Variants in CEP128 observed in about 807,000 individuals in gnomAD.
CEP128 encodes the protein centrosomal protein 128kDa.
Under a neutral mutation model 156.7 loss-of-function variants are expected in CEP128, and 132 were observed. The observed-to-expected ratio is 0.84, with a 90% CI of 0.73 to 0.97. CEP128 has a LOEUF of 0.97. Ranked by LOEUF, CEP128 falls within the 50% of genes least tolerant of loss-of-function variation. The pLI, the probability that CEP128 is intolerant of heterozygous loss-of-function variation, is 0.00. For synonymous variants in CEP128, 469 were observed against 448.9 expected, an observed-to-expected ratio of 1.04 and a Z score of -0.57; for missense variants, 1,252 against 1,281.9, an observed-to-expected ratio of 0.98 and a Z score of 0.36.
chr14:80,835,776 G>T (rs936275058), intron 12 of CEP128, among the ~76,000 whole-genome samples: 1 of 151,906 alleles, frequency 6.6e-6, no homozygotes, highest in African/African-American at 2.4e-5. Context: ...AACTCCAGAC[G>T]ACAAAAAAGA....
chr14:80,621,993 C>T (rs1893499201), intron 19 of CEP128, among the ~76,000 whole-genome samples: 1 of 152,034 alleles, frequency 6.6e-6, no homozygotes, highest in South Asian at 2.1e-4. Flanking sequence ...GACCTATCCC[C>T]TTTACATCTG....
downstream of CEP128, among the ~76,000 whole-genome samples, chr14:80,485,647 AC>A (rs1777464444): frequency 2.0e-5 from 3 of 152,168 alleles, no homozygotes; most frequent in Admixed American, 2.0e-4. Context: ...TATAATAGAG[AC>A]TTTTTTAGCC....
intron 19 of CEP128, among the ~76,000 whole-genome samples, chr14:80,691,333 G>C (rs114639929): frequency 2.6e-5 from 4 of 152,020 alleles, no homozygotes; most frequent in African/African-American, 7.3e-5. Flanking sequence ...TGTGGTGATG[G>C]GGGGATGGTA....
chr14:80,667,142 A>G (rs1595179259), intron 19 of CEP128, among the ~76,000 whole-genome samples: 1 of 152,168 alleles, frequency 6.6e-6, no homozygotes, highest in South Asian at 2.1e-4. Flanking sequence ...GAGACCCAAA[A>G]TGCTCATTCC....
chr14:80,839,055 C>T (rs765290522), intron 10 of CEP128, among the ~76,000 whole-genome samples: 5 of 152,094 alleles, frequency 3.3e-5, no homozygotes, highest in South Asian at 2.1e-4. Context: ...GCCGAAATCG[C>T]GCCACTGCAC....
chr14:80,577,892 T>G (rs1190761847), intron 20 of CEP128, among the ~76,000 whole-genome samples: 2 of 152,182 alleles, frequency 1.3e-5, no homozygotes, highest in East Asian at 3.8e-4. Flanking sequence ...TCCTTAAACA[T>G]GAAACTGTGC....
chr14:80,887,097 G>A (rs769280744), intron 8 of CEP128, among the ~76,000 whole-genome samples: 8 of 151,980 alleles, frequency 5.3e-5, no homozygotes, highest in East Asian at 1.9e-4. Context: ...ATATATATGC[G>A]CCCAATACAG....
chr14:80,619,367 G>GACACACACACACACACACAGACACAC (rs1893367185), intron 19 of CEP128, among the ~76,000 whole-genome samples: 3 of 139,374 alleles, frequency 2.2e-5, no homozygotes, highest in Non-Finnish European at 4.6e-5. Context: ...AAGACACACA[G>GACACACACACACACACACAGACACAC]ACACACACAC....
intron 23 of CEP128, chr14:80,514,750 T>C (rs778528241): frequency 9.8e-6 from 3 of 305,260 alleles, no homozygotes; most frequent in African/African-American, 2.2e-5. Flanking sequence ...GGTGAGGGCA[T>C]ATTTTCATGG....
At chr14:80,593,571 C>A (rs1361108669) in intron 19 of CEP128, among the ~76,000 whole-genome samples, 45 of 141,710 alleles carry the variant, frequency 3.2e-4, no homozygotes, top group East Asian at 2.9e-3. Context: ...AAAAAGAAAA[C>A]CCCATCTTCT....
At position 80,785,310 on chromosome 14, in the gene CEP128, C is replaced by G; in HGVS notation, c.1796G>C (p.Ser599Thr). ...HRLESELKKQ[S>T]KIQSQMKVEK... is the part of the protein sequence containing the mutation. ...AACTTTCATCTGGCTTTGGATCTTACTCTGCTTTTTCAATTCGCTCTCCAG... is the reference window on the plus strand; with the variant it reads ...AACTTTCATCTGGCTTTGGATCTTAGTCTGCTTTTTCAATTCGCTCTCCAG... Residue 599 changes from serine to threonine, a missense_variant, in exon 15 of 25, where the codon AGT (serine) becomes ACT (threonine). Transcript: ENST00000555265. The G allele has an allele frequency of 1.2e-6, 2 of 1,614,144 alleles. No individual in the cohort carries two copies. Among genetic ancestry groups the G allele is most frequent in the South Asian group, 1.1e-5 (1 of 91,082 alleles).
chr14:80,651,200 G>A (rs1894888093), intron 19 of CEP128, among the ~76,000 whole-genome samples: 1 of 152,102 alleles, frequency 6.6e-6, no homozygotes, highest in African/African-American at 2.4e-5. Flanking sequence ...TAGTTTATTT[G>A]CATAGAAGTG....
At position 80,714,264 on chromosome 14, in the gene CEP128, G is replaced by A. The variant is rs79814695; in HGVS notation, c.2806+28811C>T. On this transcript the variant is annotated intron_variant, in intron 19 of 24. Transcript: ENST00000555265. ...ACTTGGAATTTTAAAATTTCCTCAT[G>A]AGTCCATATAGGTTGCATCACCCAT... 1.6e-4 allele frequency among the ~76,000 whole-genome samples: 25 copies of A among 151,964 alleles called. No individual in the cohort carries two copies. In the East Asian group the frequency reaches 3.5e-3, roughly 21 times the overall value.
chr14:80,627,737 TTTC>T (rs1052887332), intron 19 of CEP128, among the ~76,000 whole-genome samples: 6 of 96,000 alleles, frequency 6.3e-5, no homozygotes, highest in South Asian at 5.2e-4. Context: ...TAATTATTAT[TTTC>T]TTTTTTTTTT....
intron 2 of CEP128, chr14:80,955,883 A>T: frequency 1.9e-6 from 3 of 1,613,978 alleles, no homozygotes; most frequent in Non-Finnish European, 2.5e-6. Context: ...GGTAGGACCC[A>T]GAGATCAAGG....
intron 13 of CEP128, among the ~76,000 whole-genome samples, chr14:80,796,681 T>C (rs928964988): frequency 6.6e-6 from 1 of 152,164 alleles, no homozygotes; most frequent in Non-Finnish European, 1.5e-5. Context: ...GTATTATGCA[T>C]CATCCCACCT....
chr14:80,756,675 C>G (rs1195724885), intron 18 of CEP128, among the ~76,000 whole-genome samples: 1 of 152,108 alleles, frequency 6.6e-6, no homozygotes, highest in African/African-American at 2.4e-5. Flanking sequence ...GTTTTACTTT[C>G]CTTTATTCTC....
chr14:80,707,192 G>A (rs1897260252), intron 19 of CEP128, among the ~76,000 whole-genome samples: 1 of 152,202 alleles, frequency 6.6e-6, no homozygotes, highest in African/African-American at 2.4e-5. Flanking sequence ...ATGAGACTGT[G>A]GGTTCTATTT....
chr14:80,612,144 T>C (rs1424336803), intron 19 of CEP128, among the ~76,000 whole-genome samples: 1 of 152,234 alleles, frequency 6.6e-6, no homozygotes, highest in Non-Finnish European at 1.5e-5. Context: ...AAAGCATGTA[T>C]GTAGTACGAG....
Sources: gnomAD v4.1 joint callset for allele counts (sites outside exome capture counted in the v4.1 genomes callset) on GRCh38, gnomAD v4.1.1 for gene constraint, MANE v1.5 for transcripts, NCBI Gene and HGNC (gene_info 2026-07-23, HGNC 2026-07-21) for gene names.